SLC51A: variants seen among roughly 807,000 people sequenced by gnomAD.
SLC51A encodes the protein solute carrier family 51 member A.
Under a neutral mutation model 34.8 loss-of-function variants are expected in SLC51A, and 22 were observed. The observed-to-expected ratio is 0.63, with a 90% CI of 0.45 to 0.90. The LOEUF (loss-of-function observed/expected upper bound fraction) is 0.90, where lower values mean the gene tolerates loss of function less well. SLC51A is among the 40% of genes least tolerant of loss of function. The pLI, the probability that SLC51A is intolerant of heterozygous loss-of-function variation, is 0.00. For missense variants in SLC51A, 371 were observed against 414.8 expected, an observed-to-expected ratio of 0.89 and a Z score of 0.92; for synonymous variants, 181 against 176.3, an observed-to-expected ratio of 1.03 and a Z score of -0.21.
At chr3:196,220,770 G>T (rs1276390617) in intron 2 of SLC51A, among the ~76,000 whole-genome samples, 1 of 152,302 alleles carries the variant, frequency 6.6e-6, no homozygotes, top group South Asian at 2.1e-4. Context: ...GTAAGTGCTG[G>T]TTCTGGGCAA....
chr3:196,227,796 C>CCGG (rs1723934745), intron 4 of SLC51A, 59 bp downstream of exon 4: 4 of 1,484,794 alleles, frequency 2.7e-6, no homozygotes, highest in Non-Finnish European at 2.8e-6. Flanking sequence ...CACCAGGACT[C>CCGG]GAGTCCGTGT....
At chr3:196,224,072 TG>T (rs1723834689) in intron 2 of SLC51A, 1 of 258,614 alleles carries the variant, frequency 3.9e-6, no homozygotes, top group Non-Finnish European at 7.7e-6. Flanking sequence ...TTGGCCAGGC[TG>T]GTCTCAAATT....
chr3:196,223,962 A>G lies in SLC51A; in HGVS notation c.134-3003A>G, dbSNP rs562651044. On this transcript the variant is annotated intron_variant, in intron 2 of 8. Coordinates refer to ENST00000296327, the MANE Select transcript of SLC51A (RefSeq NM_152672.6). ...GCAACCTCCACCTCCCAGTTCAAGC[A>G]ATTCTCCTGCCTCAGCCTCTCCAGT... 2.7e-5 allele frequency: 10 copies of G among 364,888 alleles called. No individual in the cohort carries two copies. The East Asian group carries it at 9.3e-4, about 34-fold the overall frequency. 22.6% of individuals were successfully genotyped at this position (364,888 alleles called of 1,614,324 possible).
In SLC51A at chr3:196,232,473, G is replaced by A. The variant is rs765223582; in HGVS notation, c.835G>A (p.Gly279Ser). 3.1e-6 allele frequency: 5 copies of A among 1,614,078 alleles called. No homozygotes were observed. In the South Asian group the frequency reaches 3.3e-5, roughly 11 times the overall value. ...CTCCATCTTCTCAGTCTTGGCCAAC[G>A]GTGGGCAGATTGCTTGTTCGCCTCC... is the stretch of plus-strand genomic sequence containing the variant. The part of the protein sequence containing the change: ...QPSIFSVLAN[G>S]GQIACSPPYS... Residue 279 changes from glycine to serine, a missense_variant, in exon 8 of 9, where the codon GGT (glycine) becomes AGT (serine). By Grantham distance (56) the Gly-to-Ser change is moderately conservative (BLOSUM62 0). Coordinates refer to ENST00000296327, the MANE Select transcript of SLC51A (RefSeq NM_152672.6).
chr3:196,229,147 G>A (rs1318673713), intron 6 of SLC51A, among the ~76,000 whole-genome samples: 2 of 152,174 alleles, frequency 1.3e-5, no homozygotes, highest in Admixed American at 1.3e-4. Context: ...GGAAGCACCA[G>A]GTGCCATGAT....
chr3:196,230,682 C>G (rs1560155451), intron 7 of SLC51A, among the ~76,000 whole-genome samples: 1 of 152,154 alleles, frequency 6.6e-6, no homozygotes, highest in Non-Finnish European at 1.5e-5. Context: ...CGGGGTTTCG[C>G]TATGTTGGCC....
intron 2 of SLC51A, among the ~76,000 whole-genome samples, chr3:196,223,479 A>G (rs796976563): frequency 2.2e-4 from 34 of 151,776 alleles, no homozygotes; most frequent in African/African-American, 8.0e-4. Flanking sequence ...CGGAGCAGGG[A>G]GCAGTTAGGG....
chr3:196,223,757 AAG>A, intron 2 of SLC51A: 1 of 332,920 alleles, frequency 3.0e-6, no homozygotes, highest in Non-Finnish European at 5.9e-6. Flanking sequence ...AAAAGAAAGA[AAG>A]AAAATACAGA....
intron 2 of SLC51A, chr3:196,223,983 C>A (rs1476082641): frequency 6.0e-6 from 2 of 334,488 alleles, no homozygotes; most frequent in African/African-American, 2.3e-5. Flanking sequence ...CTCAGCCTCT[C>A]CAGTAGGTGG....
At chr3:196,221,872 C>G (rs1490896451) in intron 2 of SLC51A, among the ~76,000 whole-genome samples, 1 of 152,052 alleles carries the variant, frequency 6.6e-6, no homozygotes, top group Admixed American at 6.5e-5. Flanking sequence ...CCCGCCACCA[C>G]ACCCGGCTAA....
In SLC51A at chr3:196,226,961, C is replaced by T. The variant is rs374534021; in HGVS notation, c.134-4C>T. On this transcript the variant is annotated splice_region_variant and splice_polypyrimidine_tract_variant and intron_variant, in intron 2 of 8. Coordinates refer to ENST00000296327, the MANE Select transcript of SLC51A (RefSeq NM_152672.6). ...CGTCAGCTCTCTGCCTTCTCCTCCT[C>T]TAGCCCTGGGCCCTGTGGAACTTGC... 99 of 1,610,720 alleles carry T rather than the reference C, an allele frequency of 6.1e-5. No individual in the cohort carries two copies. Among genetic ancestry groups the T allele is most frequent in the Admixed American group, 5.7e-4 (34 of 59,544 alleles).
Position 196,216,958 on chromosome 3 carries a change from C to T in SLC51A, c.38+208C>T, listed in dbSNP as rs140252890. Among the ~76,000 whole-genome samples, 15 of 152,314 alleles carry T rather than the reference C, an allele frequency of 9.8e-5. No homozygotes were observed. The highest frequency in any genetic ancestry group is 1.5e-4 in the Non-Finnish European group (10 of 68,026). ...CCAGGGCCTCGGCCTTGCCCCCCAG[C>T]GTGGGGAGAGAAAGGTCGCAGAGCG... On this transcript the variant is annotated intron_variant, in intron 1 of 8. Transcript: ENST00000296327. This position sits in a 1 kb window ranked among gnomAD's most constrained non-coding sequence, Gnocchi z 4.5.
rs1217563858 is a variant in SLC51A at position 196,228,440 on chromosome 3, G to A, written c.521+167G>A. Among the ~76,000 whole-genome samples the A allele has an allele frequency of 6.6e-6, 1 of 152,250 alleles. No homozygotes were observed. The highest frequency in any genetic ancestry group is 1.5e-5 in the Non-Finnish European group (1 of 68,046). ...GGCGCCACCCTCAGGGGACAGGGGA[G>A]CAGAGGAAGGAGAGCTCCTCAATTG... On this transcript the variant is annotated intron_variant, in intron 5 of 8. Transcript: ENST00000296327. The surrounding 1 kb of genome is among the most constrained non-coding windows in gnomAD (Gnocchi z 4.9).
chr3:196,231,954 C>A (rs1356188306), intron 7 of SLC51A, among the ~76,000 whole-genome samples: 1 of 152,196 alleles, frequency 6.6e-6, no homozygotes, highest in Non-Finnish European at 1.5e-5. Context: ...TCTCCAGGCA[C>A]CCATTAAACA....
At chr3:196,227,380 A>G in intron 3 of SLC51A, 2 of 591,900 alleles carry the variant, frequency 3.4e-6, no homozygotes, top group African/African-American at 1.9e-5. Context: ...TCCCCGCTAC[A>G]GTGTTGCCAC....
intron 2 of SLC51A, among the ~76,000 whole-genome samples, chr3:196,218,162 TG>T (rs1365326722): frequency 6.6e-6 from 1 of 152,208 alleles, no homozygotes; most frequent in East Asian, 1.9e-4. Flanking sequence ...ACCGTCATGT[TG>T]GGCCTCCACA....
At chr3:196,226,755 CAG>C (rs1156328324) in intron 2 of SLC51A, among the ~76,000 whole-genome samples, 1 of 124,266 alleles carries the variant, frequency 8.0e-6, no homozygotes. Flanking sequence ...GCCTGGGCAA[CAG>C]AGTGAGGCTC....
At chr3:196,230,572 C>A (rs537064679) in intron 7 of SLC51A, among the ~76,000 whole-genome samples, 11 of 150,396 alleles carry the variant, frequency 7.3e-5, no homozygotes, top group Middle Eastern at 3.5e-3. Flanking sequence ...TGCAGTGGTG[C>A]CATCTCAGGT....
intron 2 of SLC51A, among the ~76,000 whole-genome samples, chr3:196,221,772 G>A (rs960258998): frequency 6.6e-6 from 1 of 151,234 alleles, no homozygotes; most frequent in Admixed American, 6.6e-5. Context: ...CTGGAGTGCA[G>A]TGGTGTGATC....
Sources: gnomAD v4.1 joint callset for allele counts (sites outside exome capture counted in the v4.1 genomes callset) on GRCh38, gnomAD v4.1.1 for gene constraint, Gnocchi (gnomAD v3.1) non-coding constraint, MANE v1.5 for transcripts, NCBI Gene and HGNC (gene_info 2026-07-23, HGNC 2026-07-21) for gene names.